The following RXRG variants were observed in gnomAD, a reference collection of about 807,000 sequenced individuals.
The protein encoded by RXRG is retinoid X receptor gamma.
A neutral mutation model predicts 49.2 loss-of-function variants in RXRG; 19 were observed. The ratio of observed to expected loss-of-function variants is 0.39; its 90% CI spans 0.27 to 0.57. The LOEUF is 0.57. RXRG is among the 20% of genes least tolerant of loss of function. The pLI is 0.64. For missense variants in RXRG, 452 were observed against 592.5 expected, an observed-to-expected ratio of 0.76 and a Z score of 2.46; for synonymous variants, 224 against 216.6, an observed-to-expected ratio of 1.03 and a Z score of -0.30.
intron 4 of RXRG, among the ~76,000 whole-genome samples, chr1:165,415,427 A>C (rs1275723560): frequency 6.6e-6 from 1 of 152,194 alleles, no homozygotes; most frequent in African/African-American, 2.4e-5. Flanking sequence ...CCTTGACCCA[A>C]TCTACTTGTT....
chr1:165,411,198 A>G, intron 4 of RXRG, 89 bp from the exon 5 acceptor site: 14 of 1,306,998 alleles, frequency 1.1e-5, no homozygotes, highest in Non-Finnish European at 1.5e-5. Flanking sequence ...CAATTTACTC[A>G]TCTATGAAAG....
chr1:165,422,774 G>C (rs1369643561), intron 2 of RXRG, among the ~76,000 whole-genome samples: 1 of 152,220 alleles, frequency 6.6e-6, no homozygotes, highest in Non-Finnish European at 1.5e-5. Flanking sequence ...ATGAGGTACA[G>C]CATGAGGAAA....
Position 165,417,219 on chromosome 1 carries a change from T to C in RXRG, c.444A>G (p.Gly148=), listed in dbSNP as rs1356722994. The change falls in exon 4 of 10, where the codon GGA becomes GGG. Residue 148 remains glycine, a splice_region_variant and synonymous_variant. Coordinates refer to ENST00000359842, the MANE Select transcript of RXRG (RefSeq NM_006917.5). ...ICAICGDRSS[G]KHYGVYSCEG... is the part of the protein sequence containing the mutation. ...CACAACTGTATACCCCGTAGTGCTT[T>C]CCTGGTTAGAAGAAAAGAACATTCC... The C allele has an allele frequency of 6.2e-7, 1 of 1,600,152 alleles. No homozygotes were observed. Among genetic ancestry groups the C allele is most frequent in the Non-Finnish European group, 8.5e-7 (1 of 1,172,172 alleles).
chr1:165,444,734 A>C, intron 1 of RXRG, 111 bp downstream of exon 1: 1 of 947,550 alleles, frequency 1.1e-6, no homozygotes, highest in Non-Finnish European at 1.7e-6. Flanking sequence ...TATGCATATA[A>C]ACATATATGT....
intron 7 of RXRG, 34 bp downstream of exon 7, chr1:165,409,524 A>C: frequency 7.0e-7 from 1 of 1,431,292 alleles, no homozygotes; most frequent in South Asian, 1.7e-5. Context: ...CACACACATA[A>C]TACACACAAA....
chr1:165,421,530 T>C (rs1464946790), intron 2 of RXRG, among the ~76,000 whole-genome samples: 1 of 1,510 alleles, frequency 6.6e-4, no homozygotes, highest in South Asian at 0.01. Context: ...CTGGCATTTC[T>C]TTTTTTTTTT....
At position 165,436,363 on chromosome 1, in the gene RXRG, A is replaced by T. The variant is rs546115280; in HGVS notation, c.50-7397T>A. Among the ~76,000 whole-genome samples, 56 of 152,362 alleles carry T rather than the reference A, an allele frequency of 3.7e-4. No individual in the cohort carries two copies. The Middle Eastern group carries it at 0.014, about 37-fold the overall frequency. ...GTAAAATAGCTCAATGCCACCAACCACATGGGGTAAGGGTTAACCTTCCAC... is the reference window on the plus strand; with the variant it reads ...GTAAAATAGCTCAATGCCACCAACCTCATGGGGTAAGGGTTAACCTTCCAC... On this transcript the variant is annotated intron_variant, in intron 1 of 9. Coordinates refer to ENST00000359842, the MANE Select transcript of RXRG (RefSeq NM_006917.5).
intron 3 of RXRG, 62 bp from the exon 4 acceptor site, chr1:165,417,282 A>G (rs1330669679): frequency 6.7e-7 from 1 of 1,481,958 alleles, no homozygotes; most frequent in African/African-American, 1.4e-5. Context: ...CTTTCATTCA[A>G]AAGAACCTCT....
chr1:165,421,344 G>A (rs757394973), intron 2 of RXRG, among the ~76,000 whole-genome samples: 1 of 152,060 alleles, frequency 6.6e-6, no homozygotes, highest in Non-Finnish European at 1.5e-5. Flanking sequence ...CCCTCTTCCA[G>A]CACCACCCCT....
At chr1:165,416,966 T>C in intron 4 of RXRG, 75 bp downstream of exon 4, 1 of 1,400,796 alleles carries the variant, frequency 7.1e-7, no homozygotes, top group Non-Finnish European at 9.9e-7. Flanking sequence ...ACTTCTCGTG[T>C]ATTGCAGTTG....
chr1:165,408,097 G>A (rs1220350393), intron 8 of RXRG, 130 bp downstream of exon 8: 2 of 729,462 alleles, frequency 2.7e-6, no homozygotes, highest in Non-Finnish European at 4.9e-6. Flanking sequence ...GACACTGTGA[G>A]CTCTCCTGGA....
chr1:165,422,772 C>T (rs1571278371), intron 2 of RXRG, among the ~76,000 whole-genome samples: 1 of 152,192 alleles, frequency 6.6e-6, no homozygotes, highest in African/African-American at 2.4e-5. Flanking sequence ...GAATGAGGTA[C>T]AGCATGAGGA....
At chr1:165,406,127 T>C (rs1020814452) in intron 9 of RXRG, among the ~76,000 whole-genome samples, 3 of 152,242 alleles carry the variant, frequency 2.0e-5, no homozygotes, top group African/African-American at 7.2e-5. Context: ...AGCTGTACTT[T>C]GGAAGAAAGT....
intron 1 of RXRG, among the ~76,000 whole-genome samples, chr1:165,439,473 C>T (rs1206910670): frequency 6.6e-6 from 1 of 152,250 alleles, no homozygotes. Context: ...GAAAGGCTAG[C>T]CAGCTGGTCC....
intron 2 of RXRG, chr1:165,424,711 A>G (rs973104612): frequency 1.1e-6 from 1 of 901,264 alleles, no homozygotes; most frequent in African/African-American, 1.8e-5. Context: ...TCCCACCCCT[A>G]GACACTTCCT....
intron 6 of RXRG, among the ~76,000 whole-genome samples, chr1:165,410,447 C>T (rs1657906617): frequency 6.6e-6 from 1 of 152,136 alleles, no homozygotes; most frequent in Non-Finnish European, 1.5e-5. Flanking sequence ...TCAAATTATC[C>T]TCAATAAAAT....
intron 3 of RXRG, among the ~76,000 whole-genome samples, chr1:165,418,595 A>G (rs115657764): frequency 6.6e-6 from 1 of 152,304 alleles, no homozygotes; most frequent in African/African-American, 2.4e-5. Flanking sequence ...GGTTGACCAT[A>G]CTACAGGCCG....
In RXRG at chr1:165,401,733, G is replaced by A. The variant is rs565125555; in HGVS notation, c.1245-323C>T. On this transcript the variant is annotated intron_variant, in intron 9 of 9. Transcript: ENST00000359842. ...ATGACTGTGTCCACTCACTTTGCCAGCCATACTGGCTCCTCACATTCTCTG... is the reference window on the plus strand; with the variant it reads ...ATGACTGTGTCCACTCACTTTGCCAACCATACTGGCTCCTCACATTCTCTG... Among the ~76,000 whole-genome samples, 4 of 152,334 alleles carry A rather than the reference G, an allele frequency of 2.6e-5. No homozygotes were observed. The South Asian group carries it at 8.3e-4, about 32-fold the overall frequency.
Position 165,437,242 on chromosome 1 carries a change from G to T in RXRG, c.49+7603C>A, listed in dbSNP as rs374601992. On this transcript the variant is annotated intron_variant, in intron 1 of 9. Transcript: ENST00000359842. Reference sequence around the variant, plus strand: ...TGCCAGTCAGTCAGTCAGCCAGCACGCCTGGCTAAGCATCTGCTTGTATAT... The same window carrying T: ...TGCCAGTCAGTCAGTCAGCCAGCACTCCTGGCTAAGCATCTGCTTGTATAT... 6 of 1,363,796 alleles carry T rather than the reference G, an allele frequency of 4.4e-6. No individual in the cohort carries two copies. In the South Asian group the frequency reaches 6.9e-5, roughly 16 times the overall value. The allele number at this position is 1,363,796 out of a possible 1,614,324, so 84.5% of individuals were successfully genotyped here.
Sources: allele counts gnomAD v4.1 joint callset (sites outside exome capture counted in the v4.1 genomes callset), GRCh38; gene constraint gnomAD v4.1.1; transcripts MANE v1.5; gene names NCBI Gene and HGNC (gene_info 2026-07-23, HGNC 2026-07-21).